The following OPCML variants were observed in gnomAD, a reference collection of about 807,000 sequenced individuals.
OPCML encodes the protein opioid binding protein/cell adhesion molecule like, also known as opioid-binding protein/cell adhesion molecule.
A neutral mutation model predicts 37.8 loss-of-function variants in OPCML; 13 were observed. The ratio of observed to expected loss-of-function variants is 0.34; its 90% CI spans 0.22 to 0.55. OPCML has a LOEUF of 0.55. OPCML is among the 20% of genes least tolerant of loss of function. The pLI is 0.91. For synonymous variants in OPCML, 176 were observed against 168.8 expected, an observed-to-expected ratio of 1.04 and a Z score of -0.33; for missense variants, 341 against 435.6, an observed-to-expected ratio of 0.78 and a Z score of 1.93.
intron 2 of OPCML, among the ~76,000 whole-genome samples, chr11:132,757,982 A>T (rs576445822): frequency 6.6e-6 from 1 of 152,112 alleles, no homozygotes; most frequent in East Asian, 1.9e-4. Context: ...TGTATAAGGT[A>T]TAAAGAAGGA....
At chr11:132,887,338 C>T (rs184811884) in intron 2 of OPCML, among the ~76,000 whole-genome samples, 85 of 152,296 alleles carry the variant, frequency 5.6e-4, no homozygotes, top group African/African-American at 2.0e-3. Context: ...ACAACCACAC[C>T]GCCTAATGAA....
intron 1 of OPCML, among the ~76,000 whole-genome samples, chr11:132,946,073 C>A (rs922438466): frequency 2.0e-5 from 3 of 152,164 alleles, no homozygotes; most frequent in African/African-American, 7.2e-5. Flanking sequence ...TGAGCCACTG[C>A]GCCCGGCCTA....
At chr11:132,790,553 T>C (rs944972806) in intron 2 of OPCML, among the ~76,000 whole-genome samples, 5 of 152,238 alleles carry the variant, frequency 3.3e-5, no homozygotes, top group Admixed American at 3.3e-4. Flanking sequence ...TCTTACTGGT[T>C]CCTTCACAGA....
chr11:133,354,208 G>A (rs370979029), intron 1 of OPCML, among the ~76,000 whole-genome samples: 28 of 97,502 alleles, frequency 2.9e-4, no homozygotes, highest in African/African-American at 6.5e-4. Flanking sequence ...GTTGATGGTG[G>A]TGGTGATGAT....
At chr11:132,490,719 T>A (rs1235063491) in intron 4 of OPCML, among the ~76,000 whole-genome samples, 2 of 148,688 alleles carry the variant, frequency 1.3e-5, no homozygotes, top group African/African-American at 2.5e-5. Context: ...CTCGAGAGGC[T>A]GGGGCAGGAG....
At chr11:132,859,087 C>T (rs1942186745) in intron 2 of OPCML, among the ~76,000 whole-genome samples, 1 of 152,088 alleles carries the variant, frequency 6.6e-6, no homozygotes, top group South Asian at 2.1e-4. Flanking sequence ...TCAGAATTTG[C>T]TTGGAACCAC....
intron 1 of OPCML, chr11:133,300,916 C>T (rs903807355): frequency 4.5e-4 from 69 of 152,292 alleles, no homozygotes; most frequent in African/African-American, 1.6e-3. Flanking sequence ...AAAGGACTCT[C>T]CTGAGAGTCT....
chr11:133,444,466 G>GTT (rs1184647790), intron 1 of OPCML, among the ~76,000 whole-genome samples: 1 of 152,128 alleles, frequency 6.6e-6, no homozygotes, highest in African/African-American at 2.4e-5. Context: ...GACTGAGTTA[G>GTT]TTATATATAT....
rs1429371709 is a variant in OPCML, at chr11:132,921,186, C to A, written c.146+21740G>T. Reference sequence around the variant, plus strand: ...GTGTTTGTCACCTTGTTTCCCTCAGCTTTTTTGTTTTTCTTAAGACACAGA... The same window carrying A: ...GTGTTTGTCACCTTGTTTCCCTCAGATTTTTTGTTTTTCTTAAGACACAGA... On this transcript the variant is annotated intron_variant, in intron 2 of 7. Coordinates refer to ENST00000524381, the MANE Select transcript of OPCML (RefSeq NM_001012393.5). Among the ~76,000 whole-genome samples, 34 of 152,164 alleles carry A rather than the reference C, an allele frequency of 2.2e-4. 1 individual carries two copies. Among genetic ancestry groups the A allele is most frequent in the Admixed American group, 2.2e-3 (34 of 15,278 alleles).
chr11:133,392,999 C>A (rs528614918), intron 1 of OPCML, among the ~76,000 whole-genome samples: 1 of 150,374 alleles, frequency 6.7e-6, no homozygotes, highest in South Asian at 2.1e-4. Flanking sequence ...CTTGTTTCAG[C>A]TCTTATATTA....
At chr11:132,893,713 G>C (rs1943736258) in intron 2 of OPCML, among the ~76,000 whole-genome samples, 1 of 152,208 alleles carries the variant, frequency 6.6e-6, no homozygotes, top group African/African-American at 2.4e-5. Context: ...TATTGCCAGT[G>C]GTCTGGCACC....
chr11:132,572,956 T>G (rs1416783759), intron 3 of OPCML, among the ~76,000 whole-genome samples: 1 of 152,056 alleles, frequency 6.6e-6, no homozygotes, highest in East Asian at 1.9e-4. Flanking sequence ...AATGTAAAAA[T>G]TTTTCACCTC....
At chr11:132,659,675 T>C (rs1037358420) in intron 2 of OPCML, among the ~76,000 whole-genome samples, 2 of 152,000 alleles carry the variant, frequency 1.3e-5, no homozygotes, top group African/African-American at 4.8e-5. Context: ...CATATTCACA[T>C]TTAAAAATTT....
chr11:132,511,048 G>A (rs907317847), intron 4 of OPCML, among the ~76,000 whole-genome samples: 1 of 151,988 alleles, frequency 6.6e-6, no homozygotes, highest in Non-Finnish European at 1.5e-5. Context: ...CCTCATAGAG[G>A]ACATATCATT....
At chr11:132,473,302 C>G (rs1398973111) in intron 4 of OPCML, among the ~76,000 whole-genome samples, 1 of 152,304 alleles carries the variant, frequency 6.6e-6, no homozygotes, top group Middle Eastern at 3.4e-3. Context: ...AAAGAGCCCT[C>G]GAGCTACTGT....
intron 1 of OPCML, among the ~76,000 whole-genome samples, chr11:133,525,416 T>C (rs1322464735): frequency 1.3e-5 from 2 of 152,180 alleles, no homozygotes; most frequent in Non-Finnish European, 2.9e-5. Context: ...GGCAGAGAGC[T>C]GGAGATGAAG....
rs1164471426 is a variant in OPCML at position 133,146,504 on chromosome 11, G to A, written c.62-203494C>T. Reference sequence around the variant, plus strand: ...TAATTTTTGTACTTTTAGTAGAGGCGGAGTTTCACTATGTTGGCAGGGCTG... The same window carrying A: ...TAATTTTTGTACTTTTAGTAGAGGCAGAGTTTCACTATGTTGGCAGGGCTG... On this transcript the variant is annotated intron_variant, in intron 1 of 7. Coordinates refer to ENST00000524381, the MANE Select transcript of OPCML (RefSeq NM_001012393.5). 5.9e-5 allele frequency among the ~76,000 whole-genome samples: 9 copies of A among 152,110 alleles called. No individual in the cohort carries two copies. The South Asian group carries it at 1.0e-3, about 18-fold the overall frequency.
chr11:132,428,996 C>T (rs1248011569), intron 7 of OPCML, among the ~76,000 whole-genome samples: 1 of 151,736 alleles, frequency 6.6e-6, no homozygotes, highest in African/African-American at 2.4e-5. Context: ...ATACAGTAGG[C>T]ACTAAACAAA....
At chr11:132,545,668 C>G (rs1327945798) in intron 3 of OPCML, among the ~76,000 whole-genome samples, 1 of 152,020 alleles carries the variant, frequency 6.6e-6, no homozygotes. Flanking sequence ...GTAAAACAAG[C>G]AAATAAGAAA....
Sources: gnomAD v4.1 joint callset for allele counts (sites outside exome capture counted in the v4.1 genomes callset) on GRCh38, gnomAD v4.1.1 for gene constraint, MANE v1.5 for transcripts, NCBI Gene and HGNC (gene_info 2026-07-23, HGNC 2026-07-21) for gene names.